The following RGS14 variants were observed in gnomAD, a reference collection of about 807,000 sequenced individuals.
The protein encoded by RGS14 is regulator of G-protein signaling 14.
A neutral mutation model predicts 63.8 loss-of-function variants in RGS14; 33 were observed. The observed-to-expected ratio is 0.52, with a 90% CI of 0.39 to 0.69. The LOEUF (loss-of-function observed/expected upper bound fraction) is 0.69, where lower values mean the gene tolerates loss of function less well. Among genes scored for constraint, RGS14 ranks in the 30% least tolerant of loss-of-function variants. The probability of loss-of-function intolerance (pLI) is 0.00; values close to 1 mark genes in which losing one functional copy is unlikely to be tolerated. For synonymous variants in RGS14, 296 were observed against 320.9 expected (o/e 0.92, Z 0.83); for missense variants, 739 against 742.9 (o/e 0.99, Z 0.06).
At chr5:177,366,027 G>A (rs1431980439) in intron 2 of RGS14, 43 bp downstream of exon 2, 3 of 1,608,270 alleles carry the variant, frequency 1.9e-6, no homozygotes, top group African/African-American at 1.3e-5. Flanking sequence ...GTGGGAGGGA[G>A]GAGGGAGGTG....
At chr5:177,367,601 G>C (rs1271156342) in intron 6 of RGS14, 44 bp downstream of exon 6, 16 of 1,583,562 alleles carry the variant, frequency 1.0e-5, no homozygotes, top group Non-Finnish European at 1.4e-5. Flanking sequence ...AGGGGGTCCT[G>C]CGGACCGCGT....
In RGS14 at chr5:177,371,944, G is replaced by A; in HGVS notation, c.1570G>A (p.Asp524Asn). 1.2e-6 allele frequency: 2 copies of A among 1,614,110 alleles called. No individual in the cohort carries two copies. The highest frequency in any genetic ancestry group is 8.5e-7 in the Non-Finnish European group (1 of 1,179,988). ...CCAGAGGGGCCTTCTGAGGAAAGAGGACCTGGTACTTCCAGAATTTCTGCA... is the reference window on the plus strand; with the variant it reads ...CCAGAGGGGCCTTCTGAGGAAAGAGAACCTGGTACTTCCAGAATTTCTGCA... ...HDQRGLLRKE[D>N]LVLPEFLQLP... The change falls in exon 15 of 15, where the codon GAC becomes AAC. Residue 524 changes from aspartate to asparagine, a missense_variant. Coordinates refer to ENST00000408923, the MANE Select transcript of RGS14 (RefSeq NM_006480.5). The surrounding 1 kb of genome is among the most constrained non-coding windows in gnomAD (Gnocchi z 6.1).
chr5:177,372,329 C>T lies in RGS14; in HGVS notation c.*254C>T. 2.1e-6 allele frequency: 1 copy of T among 487,490 alleles called. No homozygotes were observed. The highest frequency in any genetic ancestry group is 3.1e-5 in the South Asian group (1 of 32,502). The allele number at this position is 487,490 out of a possible 1,614,324, so 30.2% of individuals were successfully genotyped here. A position where few individuals can be genotyped will look rare whatever the true frequency, so the allele number is the denominator to read the frequency against. The stretch of plus-strand genomic sequence containing the variant: ...GCCACAATGGGGGAGGTGAGTCCAG[C>T]CCCTTGGAACAGGCTTGCCCAACAT... On this transcript the variant is annotated 3_prime_UTR_variant, in exon 15 of 15. Coordinates refer to ENST00000408923, the MANE Select transcript of RGS14 (RefSeq NM_006480.5).
At chr5:177,360,089 C>T (rs1761928129) in intron 1 of RGS14, among the ~76,000 whole-genome samples, 1 of 152,210 alleles carries the variant, frequency 6.6e-6, no homozygotes, top group Admixed American at 6.5e-5. Context: ...GGAGACATCT[C>T]CCAGCCCCCT....
intron 10 of RGS14, 74 bp from the exon 11 acceptor site, chr5:177,370,831 C>A (rs1762222777): frequency 1.3e-6 from 2 of 1,577,648 alleles, no homozygotes; most frequent in East Asian, 4.5e-5. Flanking sequence ...GCTCCACCCC[C>A]TCGCGTTTGT....
intron 1 of RGS14, among the ~76,000 whole-genome samples, chr5:177,360,586 A>C (rs2127325644): frequency 6.7e-6 from 1 of 149,396 alleles, no homozygotes; most frequent in African/African-American, 2.5e-5. Context: ...AAAAAAAAAA[A>C]AAAAGATGGA....
rs750875606 is a variant in RGS14 at position 177,370,933 on chromosome 5, G to C, written c.1156G>C (p.Val386Leu). ...ELELTALERV[V>L]RISAKPTKRL... The stretch of plus-strand genomic sequence containing the variant: ...GGAGCTGACGGCGCTGGAGCGCGTG[G>C]TACGAATCTCAGCCAAGCCCACCAA... The change falls in exon 11 of 15, where the codon GTA (valine) becomes CTA (leucine). Residue 386 changes from valine to leucine, a missense_variant. By Grantham distance (32) the Val-to-Leu change is conservative. Coordinates refer to ENST00000408923, the MANE Select transcript of RGS14 (RefSeq NM_006480.5). 6.2e-7 allele frequency: 1 copy of C among 1,607,194 alleles called. No homozygotes were observed. Among genetic ancestry groups the C allele is most frequent in the African/African-American group, 1.3e-5 (1 of 74,868 alleles).
chr5:177,365,873 G>A (rs1762078345), intron 1 of RGS14, 90 bp from the exon 2 acceptor site: 12 of 1,321,830 alleles, frequency 9.1e-6, no homozygotes, highest in South Asian at 3.5e-5. Flanking sequence ...GGAGGAGAAC[G>A]CAGTTCCAGC....
chr5:177,369,052 C>A, intron 9 of RGS14, 132 bp downstream of exon 9: 1 of 816,172 alleles, frequency 1.2e-6, no homozygotes, highest in Non-Finnish European at 2.0e-6. Context: ...CCCTCAGCAC[C>A]AACTTTCACT....
intron 5 of RGS14, 90 bp downstream of exon 5, chr5:177,367,124 C>A (rs1267563870): frequency 2.7e-6 from 4 of 1,477,678 alleles, no homozygotes; most frequent in African/African-American, 1.4e-5. Flanking sequence ...AACTACAAAG[C>A]GGAGGGGGCA....
chr5:177,368,588 A>T, intron 8 of RGS14, 129 bp from the exon 9 acceptor site: 1 of 899,964 alleles, frequency 1.1e-6, no homozygotes, highest in Non-Finnish European at 1.7e-6. Flanking sequence ...CTGCAGGAGG[A>T]CGTATCTTTG....
chr5:177,369,083 C>T (rs1762177802), intron 9 of RGS14, 163 bp downstream of exon 9: 4 of 666,078 alleles, frequency 6.0e-6, no homozygotes, highest in Admixed American at 4.6e-5. Flanking sequence ...TCCACCCACC[C>T]CCCACCTCAT....
In RGS14 at chr5:177,372,198, C is replaced by A. The variant is rs560359894; in HGVS notation, c.*123C>A. On this transcript the variant is annotated 3_prime_UTR_variant, in exon 15 of 15. Transcript: ENST00000408923. Reference sequence around the variant, plus strand: ...GGCCCCTTCCTGCCATGGGCAGGCCCGCAGGAAGAGCCGGTAGGGGTGGAA... The same window carrying A: ...GGCCCCTTCCTGCCATGGGCAGGCCAGCAGGAAGAGCCGGTAGGGGTGGAA... 129 of 975,812 alleles carry A rather than the reference C, an allele frequency of 1.3e-4. 3 individuals are homozygous for A. In the South Asian group the frequency reaches 1.8e-3, roughly 13 times the overall value. The allele number at this position is 975,812 out of a possible 1,614,324, so 60.4% of individuals were successfully genotyped here.
Position 177,366,206 on chromosome 5 carries a change from C to T in RGS14, c.97C>T (p.Gln33Ter), listed in dbSNP as rs781543680. The T allele has an allele frequency of 3.7e-6, 6 of 1,609,130 alleles. No individual in the cohort carries two copies. The Admixed American group carries it at 8.4e-5, about 22-fold the overall frequency. Residue 33 changes from glutamine (Q) to a stop codon, truncating the protein, a stop_gained, in exon 3 of 15, where the codon CAG (glutamine) becomes TAG (stop). Transcript: ENST00000408923. LOFTEE classifies it high-confidence loss of function. Reference protein sequence around the residue: ...ELSSTTGPQGQGEGRGSSLSI... With the variant: ...ELSSTTGPQG ...GAGCAGCACGACGGGGCCCCAGGGC[C>T]AGGGCGAGGGCCGCGGCAGCTCTCT...
At chr5:177,368,119 CG>C (rs1376839053) in intron 7 of RGS14, 37 bp from the exon 8 acceptor site, 5 of 1,601,144 alleles carry the variant, frequency 3.1e-6, no homozygotes, top group African/African-American at 1.3e-5. Context: ...TGGGTGAGGG[CG>C]GGGGGCTGTT....
At chr5:177,367,141 G>C (rs1275505967) in intron 5 of RGS14, 107 bp downstream of exon 5, 22 of 1,428,870 alleles carry the variant, frequency 1.5e-5, no homozygotes, top group Non-Finnish European at 1.9e-5. Context: ...GGCAAATTTG[G>C]AGGCGGAGAC....
intron 10 of RGS14, 108 bp downstream of exon 10, chr5:177,370,772 T>TGGGACAAACCCCGCCCCC (rs1294643802): frequency 2.7e-5 from 29 of 1,083,780 alleles, no homozygotes; most frequent in Non-Finnish European, 3.8e-5. Flanking sequence ...GCCCCGCCCC[T>TGGGACAAACCCCGCCCCC]GGGACAAACC....
chr5:177,368,945 T>C, intron 9 of RGS14, 25 bp downstream of exon 9: 1 of 1,604,772 alleles, frequency 6.2e-7, no homozygotes, highest in Non-Finnish European at 8.5e-7. Context: ...TGGCTCCAAC[T>C]CTAACCTCCT....
intron 9 of RGS14, among the ~76,000 whole-genome samples, chr5:177,369,744 G>C (rs1455615004): frequency 2.0e-5 from 3 of 152,246 alleles, no homozygotes; most frequent in African/African-American, 7.2e-5. Flanking sequence ...GCATGTTCAG[G>C]GGCCTGGAGT....
Sources: allele counts gnomAD v4.1 joint callset (sites outside exome capture counted in the v4.1 genomes callset), GRCh38; gene constraint gnomAD v4.1.1; non-coding constraint Gnocchi (gnomAD v3.1); transcripts MANE v1.5; gene names NCBI Gene and HGNC (gene_info 2026-07-23, HGNC 2026-07-21).